The following KDM4C variants were observed in gnomAD, a reference collection of about 807,000 sequenced individuals.
The protein encoded by KDM4C is lysine demethylase 4C.
Under a neutral mutation model 129.3 loss-of-function variants are expected in KDM4C, and 81 were observed. The ratio of observed to expected loss-of-function variants is 0.63; its 90% CI spans 0.52 to 0.75. The LOEUF is 0.75. Among genes scored for constraint, KDM4C ranks in the 30% least tolerant of loss-of-function variants. The pLI is 0.00. For missense variants in KDM4C, 1,457 were observed against 1,304.0 expected (o/e 1.12, Z -1.81); for synonymous variants, 573 against 456.1 (o/e 1.26, Z -3.26).
At chr9:7,068,279 T>C (rs1368078207) in intron 17 of KDM4C, among the ~76,000 whole-genome samples, 2 of 152,214 alleles carry the variant, frequency 1.3e-5, no homozygotes, top group Non-Finnish European at 2.9e-5. Flanking sequence ...TTTCCTCCTT[T>C]GGTCTTACTA....
intron 17 of KDM4C, among the ~76,000 whole-genome samples, chr9:7,078,742 A>G (rs978105269): frequency 3.9e-5 from 6 of 152,356 alleles, no homozygotes; most frequent in Middle Eastern, 3.4e-3. Flanking sequence ...TGAAATATCT[A>G]TATTTACAAT....
chr9:6,871,252 G>T (rs567131915), intron 5 of KDM4C, among the ~76,000 whole-genome samples: 59 of 152,316 alleles, frequency 3.9e-4, no homozygotes, highest in African/African-American at 1.4e-3. Flanking sequence ...CATAAGTATA[G>T]ATTTACTTAC....
At chr9:6,962,608 A>G (rs917948677) in intron 8 of KDM4C, among the ~76,000 whole-genome samples, 3 of 152,150 alleles carry the variant, frequency 2.0e-5, no homozygotes, top group East Asian at 1.9e-4. Flanking sequence ...TATAGTCAAC[A>G]TGATAGATTC....
intron 7 of KDM4C, among the ~76,000 whole-genome samples, 178 bp from the exon 8 acceptor site, chr9:6,892,917 C>T (rs1005704401): frequency 1.8e-4 from 28 of 152,102 alleles, no homozygotes; most frequent in African/African-American, 6.3e-4. Context: ...GTCTTTTAAA[C>T]GTTTCCTGAA....
intron 17 of KDM4C, among the ~76,000 whole-genome samples, chr9:7,100,464 C>T (rs56075743): frequency 0.19 from 28,735 of 152,032 alleles, 2,874 homozygotes; most frequent in Admixed American, 0.26. Flanking sequence ...CTCAGCCGCC[C>T]GAGTAGCTGG....
intron 4 of KDM4C, among the ~76,000 whole-genome samples, chr9:6,848,988 A>G (rs1409738737): frequency 6.6e-6 from 1 of 152,232 alleles, no homozygotes; most frequent in African/African-American, 2.4e-5. Context: ...ACAATGTATT[A>G]CATGCTAAGA....
intron 17 of KDM4C, among the ~76,000 whole-genome samples, chr9:7,091,206 G>C (rs1037806214): frequency 3.3e-5 from 5 of 152,096 alleles, no homozygotes; most frequent in African/African-American, 1.2e-4. Flanking sequence ...TTTTGTCACT[G>C]TCATGAGATT....
At chr9:7,016,166 C>T (rs527582148) in intron 15 of KDM4C, among the ~76,000 whole-genome samples, 5 of 149,614 alleles carry the variant, frequency 3.3e-5, no homozygotes, top group African/African-American at 9.9e-5. Context: ...CTCTCTCTGT[C>T]GCCCAGGCTA....
At chr9:7,109,880 G>A (rs1838124395) in intron 18 of KDM4C, among the ~76,000 whole-genome samples, 2 of 152,148 alleles carry the variant, frequency 1.3e-5, no homozygotes, top group African/African-American at 4.8e-5. Flanking sequence ...GGGCAGTCCA[G>A]GTAGAGGTAA....
At chr9:6,785,946 C>T (rs963031331) in intron 1 of KDM4C, among the ~76,000 whole-genome samples, 11 of 152,342 alleles carry the variant, frequency 7.2e-5, no homozygotes, top group Middle Eastern at 6.8e-3. Flanking sequence ...CCTTCTTTTT[C>T]TAGCCAGAGA....
Position 6,730,217 on chromosome 9 carries a change from G to C in KDM4C, c.49+9220G>C, listed in dbSNP as rs574743914. On this transcript the variant is annotated intron_variant, in intron 1 of 17. Coordinates refer to the KDM4C transcript ENST00000536108. ...CGAAGAAAAAGCAACAGGGCTTTTC[G>C]GAATCCTGATCCTAATTTCCTGGAC... 7.2e-5 allele frequency among the ~76,000 whole-genome samples: 11 copies of C among 152,240 alleles called. No homozygotes were observed. The East Asian group carries it at 1.9e-3, about 27-fold the overall frequency.
At chr9:7,107,198 A>G (rs190011870) in intron 18 of KDM4C, among the ~76,000 whole-genome samples, 26 of 152,264 alleles carry the variant, frequency 1.7e-4, no homozygotes, top group Admixed American at 1.6e-3. Context: ...ATTATAACCT[A>G]GTTTCTGGCT....
At chr9:6,734,859 T>G (rs1817471538) in intron 1 of KDM4C, 1 of 533,064 alleles carries the variant, frequency 1.9e-6, no homozygotes, top group Non-Finnish European at 3.7e-6. Flanking sequence ...CACAAATGTT[T>G]TGTTTCTTGC....
At chr9:7,053,513 C>G (rs1208482327) in intron 17 of KDM4C, among the ~76,000 whole-genome samples, 1 of 152,152 alleles carries the variant, frequency 6.6e-6, no homozygotes, top group Admixed American at 6.6e-5. Flanking sequence ...CATCCAGCCA[C>G]CTTGCTTGGT....
At chr9:7,103,629 G>T in intron 17 of KDM4C, 56 bp from the exon 18 acceptor site, 6 of 1,375,138 alleles carry the variant, frequency 4.4e-6, no homozygotes, top group Non-Finnish European at 6.2e-6. Context: ...TAAATTGTGG[G>T]AACTGACTGG....
intron 19 of KDM4C, among the ~76,000 whole-genome samples, chr9:7,149,123 T>G (rs940365629): frequency 6.6e-6 from 1 of 152,226 alleles, no homozygotes; most frequent in Non-Finnish European, 1.5e-5. Context: ...CGAGCCGCCC[T>G]CAGGCCCCTT....
At chr9:6,974,852 T>C (rs1245995813) in intron 8 of KDM4C, 4 of 152,314 alleles carry the variant, frequency 2.6e-5, no homozygotes, top group Admixed American at 6.5e-5. Context: ...AAGAGTTCAA[T>C]TTCATGCTGT....
chr9:6,997,673 G>A (rs1467099113), intron 12 of KDM4C, among the ~76,000 whole-genome samples: 1 of 152,174 alleles, frequency 6.6e-6, no homozygotes, highest in Non-Finnish European at 1.5e-5. Context: ...TGCTTTATAT[G>A]TTTTTTGACT....
At chr9:6,986,221 A>ATGTGCG (rs1817669802) in intron 10 of KDM4C, 123 bp from the exon 11 acceptor site, 3 of 644,648 alleles carry the variant, frequency 4.7e-6, no homozygotes, top group Non-Finnish European at 8.0e-6. Context: ...GTGTGCATGT[A>ATGTGCG]TGTGCATGCG....
Sources: gnomAD v4.1 joint callset for allele counts (sites outside exome capture counted in the v4.1 genomes callset) on GRCh38, gnomAD v4.1.1 for gene constraint, MANE v1.5 for transcripts, NCBI Gene and HGNC (gene_info 2026-07-23, HGNC 2026-07-21) for gene names.